ST3GAL2: variants seen among roughly 807,000 people sequenced by gnomAD.
ST3GAL2 encodes the protein CMP-N-acetylneuraminate-beta-galactosamide-alpha-2,3-sialyltransferase 2.
ST3GAL2 carries 16 observed loss-of-function variants against 37.5 expected under a neutral mutation model. The ratio of observed to expected loss-of-function variants is 0.43; its 90% CI spans 0.29 to 0.65. The LOEUF (loss-of-function observed/expected upper bound fraction) is 0.65, where lower values mean the gene tolerates loss of function less well. Ranked by LOEUF, ST3GAL2 falls within the 30% of genes least tolerant of loss-of-function variation. The probability of loss-of-function intolerance (pLI) is 0.17; values close to 1 mark genes in which losing one functional copy is unlikely to be tolerated. For synonymous variants in ST3GAL2, 238 were observed against 202.9 expected, an observed-to-expected ratio of 1.17 and a Z score of -1.47; for missense variants, 383 against 487.8, an observed-to-expected ratio of 0.79 and a Z score of 2.02.
intron 1 of ST3GAL2, among the ~76,000 whole-genome samples, chr16:70,414,215 C>CT (rs1167754328): frequency 6.6e-6 from 1 of 152,220 alleles, no homozygotes; most frequent in Non-Finnish European, 1.5e-5. Context: ...CAAACCATCT[C>CT]TAACAAGATT....
chr16:70,388,863 G>A (rs1226083978), intron 3 of ST3GAL2, among the ~76,000 whole-genome samples: 1 of 148,666 alleles, frequency 6.7e-6, no homozygotes, highest in African/African-American at 2.5e-5. Context: ...AGGAGTTCGA[G>A]ACCAGCCTTA....
At chr16:70,430,423 C>T (rs2047781471) in intron 1 of ST3GAL2, among the ~76,000 whole-genome samples, 1 of 152,244 alleles carries the variant, frequency 6.6e-6, no homozygotes, top group African/African-American at 2.4e-5. Flanking sequence ...CTTCATCAAA[C>T]AGCCACCACT....
chr16:70,436,806 G>C (rs1168351385), intron 1 of ST3GAL2, among the ~76,000 whole-genome samples: 3 of 152,184 alleles, frequency 2.0e-5, no homozygotes, highest in Admixed American at 6.5e-5. Context: ...CACATTTGAA[G>C]AGCATCCACA....
intron 1 of ST3GAL2, among the ~76,000 whole-genome samples, chr16:70,411,312 G>A (rs995072463): frequency 9.2e-5 from 14 of 151,902 alleles, no homozygotes; most frequent in African/African-American, 3.1e-4. Context: ...TTGAACCCAC[G>A]AGGTGGAAGT....
intron 6 of ST3GAL2, 146 bp from the exon 7 acceptor site, chr16:70,382,008 C>T: frequency 1.2e-6 from 1 of 852,360 alleles, no homozygotes; most frequent in Non-Finnish European, 1.8e-6. Flanking sequence ...CATGGACTCA[C>T]ATGGGGACAC....
chr16:70,406,218 C>T (rs1421900455), intron 1 of ST3GAL2, among the ~76,000 whole-genome samples: 2 of 152,052 alleles, frequency 1.3e-5, no homozygotes, highest in Non-Finnish European at 1.5e-5. Context: ...CCGAGGTGGG[C>T]AGATCACCTG....
At chr16:70,408,322 C>A (rs910077359) in intron 1 of ST3GAL2, among the ~76,000 whole-genome samples, 1 of 152,084 alleles carries the variant, frequency 6.6e-6, no homozygotes, top group African/African-American at 2.4e-5. Flanking sequence ...TGCCCCAGAT[C>A]CCTGCCAGCC....
intron 1 of ST3GAL2, among the ~76,000 whole-genome samples, chr16:70,434,235 G>A (rs1041377070): frequency 2.6e-5 from 4 of 152,060 alleles, no homozygotes; most frequent in East Asian, 3.9e-4. Context: ...TCAGGAGTTC[G>A]AGACCAGCCT....
At chr16:70,438,426 T>C (rs2047841776) in intron 1 of ST3GAL2, among the ~76,000 whole-genome samples, 1 of 151,980 alleles carries the variant, frequency 6.6e-6, no homozygotes, top group East Asian at 1.9e-4. Context: ...AGTAGGAAGG[T>C]CGAGCCGTGA....
At chr16:70,416,065 C>A (rs1038820665) in intron 1 of ST3GAL2, among the ~76,000 whole-genome samples, 3 of 152,062 alleles carry the variant, frequency 2.0e-5, no homozygotes, top group Admixed American at 2.0e-4. Flanking sequence ...AGTGAGCCAC[C>A]GAGCCCAGCT....
At position 70,377,718 on chromosome 16, in the gene ST3GAL2, G is replaced by T. The variant is rs1567662241; in HGVS notation, c.*3971C>A. The T allele has an allele frequency of 6.6e-6, 1 of 152,184 alleles. No individual in the cohort carries two copies. Among genetic ancestry groups the T allele is most frequent in the Admixed American group, 6.6e-5 (1 of 15,246 alleles). The allele number at this position is 152,184 out of a possible 1,614,324, so 9.4% of individuals were successfully genotyped here. ...CGCATCTGTAATCCCAGCTATTTGG[G>T]TGGCTGAGGCAGGAGAATCGCTTGA... is the stretch of plus-strand genomic sequence containing the variant. On this transcript the variant is annotated 3_prime_UTR_variant, in exon 7 of 7. Coordinates refer to ENST00000342907, the MANE Select transcript of ST3GAL2 (RefSeq NM_006927.4).
intron 1 of ST3GAL2, among the ~76,000 whole-genome samples, chr16:70,422,625 CA>C (rs1165667189): frequency 6.6e-6 from 1 of 152,106 alleles, no homozygotes; most frequent in Non-Finnish European, 1.5e-5. Flanking sequence ...AGCATTGCCC[CA>C]AAGCTCCCAG....
intron 4 of ST3GAL2, among the ~76,000 whole-genome samples, chr16:70,388,131 A>C (rs966262305): frequency 3.3e-5 from 5 of 151,552 alleles, no homozygotes; most frequent in African/African-American, 1.2e-4. Context: ...AAAAAAAACA[A>C]ACAAAAAAAC....
chr16:70,431,985 A>ATATATATATATTTTTT (rs1454729972), intron 1 of ST3GAL2, among the ~76,000 whole-genome samples: 6 of 139,054 alleles, frequency 4.3e-5, no homozygotes, highest in African/African-American at 1.6e-4. Flanking sequence ...ATATATATAT[A>ATATATATATATTTTTT]TTTTTTTTTA....
At chr16:70,432,972 C>T (rs969429805) in intron 1 of ST3GAL2, among the ~76,000 whole-genome samples, 3 of 152,234 alleles carry the variant, frequency 2.0e-5, no homozygotes, top group African/African-American at 7.2e-5. Flanking sequence ...TCGGCGGCCC[C>T]ACCGCCTCAG....
At chr16:70,389,610 G>A (rs1597557496) in intron 3 of ST3GAL2, among the ~76,000 whole-genome samples, 2 of 151,930 alleles carry the variant, frequency 1.3e-5, no homozygotes, top group Non-Finnish European at 1.5e-5. Flanking sequence ...GATTACAGGC[G>A]TTAGCCGCTA....
intron 4 of ST3GAL2, among the ~76,000 whole-genome samples, chr16:70,384,613 G>A (rs1470549780): frequency 1.3e-5 from 2 of 151,130 alleles, no homozygotes; most frequent in East Asian, 2.0e-4. Flanking sequence ...ACTGAGGCAG[G>A]AGAATCGCTT....
chr16:70,413,014 G>A (rs1046916395), intron 1 of ST3GAL2, among the ~76,000 whole-genome samples: 1 of 152,236 alleles, frequency 6.6e-6, no homozygotes, highest in East Asian at 1.9e-4. Context: ...TTTGGGAGGC[G>A]GAGGCAGGTG....
chr16:70,390,546 T>C (rs1324829029), intron 3 of ST3GAL2, among the ~76,000 whole-genome samples: 1 of 152,192 alleles, frequency 6.6e-6, no homozygotes, highest in South Asian at 2.1e-4. Flanking sequence ...ACTACCACCC[T>C]ATTCCTGTCT....
Sources: allele counts gnomAD v4.1 joint callset (sites outside exome capture counted in the v4.1 genomes callset), GRCh38; gene constraint gnomAD v4.1.1; transcripts MANE v1.5; gene names NCBI Gene and HGNC (gene_info 2026-07-23, HGNC 2026-07-21).